SOHLH1: variants seen among roughly 807,000 people sequenced by gnomAD.
The protein encoded by SOHLH1 is spermatogenesis- and oogenesis-specific basic helix-loop-helix-containing protein 1.
A neutral mutation model predicts 36.2 loss-of-function variants in SOHLH1; 23 were observed. The observed-to-expected ratio is 0.64, with a 90% CI of 0.46 to 0.90. The LOEUF is 0.90. Ranked by LOEUF, SOHLH1 falls within the 40% of genes least tolerant of loss-of-function variation. SOHLH1 has a pLI of 0.00. For synonymous variants in SOHLH1, 289 were observed against 228.3 expected (o/e 1.27, Z -2.40); for missense variants, 608 against 517.0 (o/e 1.18, Z -1.71).
At chr9:135,694,621 A>G (rs1022892964) in intron 6 of SOHLH1, among the ~76,000 whole-genome samples, 164 bp from the exon 7 acceptor site, 7 of 152,284 alleles carry the variant, frequency 4.6e-5, no homozygotes, top group African/African-American at 1.7e-4. Context: ...TGCAGAGGCC[A>G]CAGCCGCTGA....
In SOHLH1 at chr9:135,697,702, G is replaced by A. The variant is rs1200909387; in HGVS notation, c.346-75C>T. The A allele has an allele frequency of 7.8e-6, 12 of 1,543,858 alleles. No homozygotes were observed. In the East Asian group the frequency reaches 2.2e-4, roughly 28 times the overall value. On this transcript the variant is annotated intron_variant, in intron 3 of 7. Transcript: ENST00000425225. ...AAACCCAAGACACGGTGACAAGACT[G>A]CTACCCCAGGGCCTGGAGGGTCACT...
At chr9:135,700,527 G>A (rs1196590044), upstream of SOHLH1, among the ~76,000 whole-genome samples, 1 of 152,066 alleles carries the variant, frequency 6.6e-6, no homozygotes, top group Non-Finnish European at 1.5e-5. Flanking sequence ...GGGGTGGGTG[G>A]CAGGGGCTCT....
upstream of SOHLH1, among the ~76,000 whole-genome samples, chr9:135,701,514 G>C (rs1835034329): frequency 6.6e-6 from 1 of 152,238 alleles, no homozygotes; most frequent in South Asian, 2.1e-4. Context: ...GCACGTGCAC[G>C]GGAAAGGGGG....
At chr9:135,694,515 A>G in intron 6 of SOHLH1, 58 bp from the exon 7 acceptor site, 2 of 1,598,394 alleles carry the variant, frequency 1.3e-6, no homozygotes. Context: ...TTGGAGCTCA[A>G]GGAAACATTT....
chr9:135,693,473 A>G lies in SOHLH1; in HGVS notation c.*124T>C. ...CACTATCCTCTTCTCACAGCCTGTA[A>G]GCCTCGCTCAAATTAGGGTGCAGCT... On this transcript the variant is annotated 3_prime_UTR_variant, in exon 8 of 8. Coordinates refer to ENST00000425225, the MANE Select transcript of SOHLH1 (RefSeq NM_001101677.2). 1 of 1,310,726 alleles carries G rather than the reference A, an allele frequency of 7.6e-7. No individual in the cohort carries two copies. Among genetic ancestry groups the G allele is most frequent in the Non-Finnish European group, 1.0e-6 (1 of 972,778 alleles). 81.2% of individuals were successfully genotyped at this position (1,310,726 alleles called of 1,614,324 possible).
intron 7 of SOHLH1, chr9:135,694,137 T>C (rs1313966994): frequency 1.1e-5 from 16 of 1,433,840 alleles, no homozygotes; most frequent in Non-Finnish European, 1.3e-5. Flanking sequence ...AGGGGAAGAA[T>C]ACAGGGCTCC....
Position 135,693,471 on chromosome 9 carries a change from TA to T in SOHLH1, c.*125del. ...TTCACTATCCTCTTCTCACAGCCTG[TA>T]AGCCTCGCTCAAATTAGGGTGCAGC... is the stretch of plus-strand genomic sequence containing the variant. On this transcript the variant is annotated 3_prime_UTR_variant, in exon 8 of 8. Coordinates refer to ENST00000425225, the MANE Select transcript of SOHLH1 (RefSeq NM_001101677.2). 7.6e-7 allele frequency: 1 copy of T among 1,309,250 alleles called. No homozygotes were observed. Among genetic ancestry groups the T allele is most frequent in the Non-Finnish European group, 1.0e-6 (1 of 971,372 alleles). 81.1% of individuals were successfully genotyped at this position (1,309,250 alleles called of 1,614,324 possible).
At chr9:135,702,028 C>A (rs1364495891), upstream of SOHLH1, among the ~76,000 whole-genome samples, 1 of 151,400 alleles carries the variant, frequency 6.6e-6, no homozygotes, top group African/African-American at 2.4e-5. Context: ...GGGAGCGGAT[C>A]GCCCTCCCTA....
rs1316787460 is a variant in SOHLH1, at chr9:135,698,412, C to T, written c.262G>A (p.Glu88Lys). The change falls in exon 3 of 8, where the codon GAG becomes AAG. Residue 88 changes from glutamate (E) to lysine (K), a missense_variant. Coordinates refer to ENST00000425225, the MANE Select transcript of SOHLH1 (RefSeq NM_001101677.2). ...ATCTCCAGGACCGAGGCCATGTCCT[C>T]CCGCCGGCCATCGAACTGGGGCAGC... Reference protein sequence around the residue: ...ALLPQFDGRREDMASVLEMSV... With the variant: ...ALLPQFDGRRKDMASVLEMSV... 1 of 1,613,186 alleles carries T rather than the reference C, an allele frequency of 6.2e-7. No individual in the cohort carries two copies. The highest frequency in any genetic ancestry group is 1.1e-5 in the South Asian group (1 of 91,084).
intron 5 of SOHLH1, 98 bp downstream of exon 5, chr9:135,696,514 C>CT (rs1834805629): frequency 1.6e-6 from 2 of 1,266,360 alleles, no homozygotes; most frequent in South Asian, 1.5e-5. Context: ...AAACTTCGAA[C>CT]CCCGTTTGCA....
At chr9:135,699,654 C>G (rs1834966543), upstream of SOHLH1, 4 of 663,128 alleles carry the variant, frequency 6.0e-6, no homozygotes, top group Admixed American at 2.2e-5. Context: ...CCCACGTGAC[C>G]CGCGTTCCTG....
At chr9:135,699,361 C>A in intron 1 of SOHLH1, 42 bp downstream of exon 1, 2 of 1,587,644 alleles carry the variant, frequency 1.3e-6, no homozygotes, top group Non-Finnish European at 1.7e-6. Context: ...TGGGTACAGG[C>A]CTTGGGCCCC....
intron 4 of SOHLH1, 94 bp from the exon 5 acceptor site, chr9:135,696,899 T>C: frequency 7.3e-7 from 1 of 1,364,230 alleles, no homozygotes; most frequent in East Asian, 2.5e-5. Context: ...GCTGGACCCA[T>C]CCCCAGGACA....
chr9:135,698,281 C>T (rs1834888576), intron 3 of SOHLH1, 48 bp downstream of exon 3: 1 of 1,611,094 alleles, frequency 6.2e-7, no homozygotes, highest in East Asian at 2.2e-5. Context: ...TGAGATGTCC[C>T]ATCACCGTGA....
intron 3 of SOHLH1, 52 bp downstream of exon 3, chr9:135,698,277 G>A (rs1834888230): frequency 6.2e-7 from 1 of 1,608,954 alleles, no homozygotes; most frequent in Admixed American, 1.7e-5. Flanking sequence ...GTGGTGAGAT[G>A]TCCCATCACC....
At chr9:135,695,939 T>C (rs1349171595) in intron 5 of SOHLH1, among the ~76,000 whole-genome samples, 1 of 146,694 alleles carries the variant, frequency 6.8e-6, no homozygotes. Flanking sequence ...CCAGGCAGCA[T>C]AGGCGGAAGG....
chr9:135,695,869 G>C lies in SOHLH1; in HGVS notation c.662-606C>G, dbSNP rs183000252. Reference sequence around the variant, plus strand: ...TTAGGGACAAAGGCCCCGGGTGGCAGAGGGAACAGCTGGGAGGCCTCGGGC... The same window carrying C: ...TTAGGGACAAAGGCCCCGGGTGGCACAGGGAACAGCTGGGAGGCCTCGGGC... On this transcript the variant is annotated intron_variant, in intron 5 of 7. Coordinates refer to ENST00000425225, the MANE Select transcript of SOHLH1 (RefSeq NM_001101677.2). Among the ~76,000 whole-genome samples, 5 of 152,330 alleles carry C rather than the reference G, an allele frequency of 3.3e-5. No homozygotes were observed. In the East Asian group the frequency reaches 9.7e-4, roughly 29 times the overall value.
intron 4 of SOHLH1, 50 bp downstream of exon 4, chr9:135,697,456 T>C: frequency 1.9e-6 from 3 of 1,591,894 alleles, no homozygotes; most frequent in South Asian, 1.1e-5. Flanking sequence ...TTGGGTCTGC[T>C]GCTCCCAGGG....
intron 5 of SOHLH1, 131 bp downstream of exon 5, chr9:135,696,481 C>G: frequency 1.8e-6 from 2 of 1,090,748 alleles, no homozygotes; most frequent in Non-Finnish European, 2.6e-6. Flanking sequence ...ACGTGGGTTT[C>G]TCACCAACAC....
Sources: allele counts gnomAD v4.1 joint callset (sites outside exome capture counted in the v4.1 genomes callset), GRCh38; gene constraint gnomAD v4.1.1; transcripts MANE v1.5; gene names NCBI Gene and HGNC (gene_info 2026-07-23, HGNC 2026-07-21).